The following ANXA13 variants were observed in gnomAD, a reference collection of about 807,000 sequenced individuals.
ANXA13 encodes the protein annexin A13.
In ANXA13, 36 loss-of-function variants were observed where a neutral mutation model predicts 46.6. That is an observed-to-expected ratio of 0.77 (90% CI 0.59 to 1.02). ANXA13 has a LOEUF of 1.02. Among genes scored for constraint, ANXA13 ranks in the 50% least tolerant of loss-of-function variants. The probability of loss-of-function intolerance (pLI) is 0.00; values close to 1 mark genes in which losing one functional copy is unlikely to be tolerated. For synonymous variants in ANXA13, 163 were observed against 152.9 expected, an observed-to-expected ratio of 1.07 and a Z score of -0.49; for missense variants, 417 against 396.5, an observed-to-expected ratio of 1.05 and a Z score of -0.44.
At chr8:123,718,042 GT>G (rs1813793259) in intron 1 of ANXA13, among the ~76,000 whole-genome samples, 2 of 152,336 alleles carry the variant, frequency 1.3e-5, no homozygotes, top group Middle Eastern at 6.8e-3. Flanking sequence ...TTCCTCGAGT[GT>G]TTTTCCAGCT....
At chr8:123,704,338 T>G in intron 2 of ANXA13, among the ~76,000 whole-genome samples, 1 of 152,086 alleles carries the variant, frequency 6.6e-6, no homozygotes. Context: ...TGAGGCACAA[T>G]GCAGCACCTC....
chr8:123,714,859 T>C (rs1246347023), intron 1 of ANXA13, among the ~76,000 whole-genome samples: 1 of 152,226 alleles, frequency 6.6e-6, no homozygotes, highest in African/African-American at 2.4e-5. Flanking sequence ...GCATTACTAG[T>C]CTGCCTTCCA....
intron 7 of ANXA13, 21 bp downstream of exon 7, chr8:123,693,690 C>T (rs1285401316): frequency 1.9e-6 from 3 of 1,585,106 alleles, no homozygotes; most frequent in African/African-American, 2.7e-5. Context: ...TTTGCAGAGA[C>T]TGGCATGTCT....
At chr8:123,731,157 G>A (rs141062087) in intron 1 of ANXA13, among the ~76,000 whole-genome samples, 1,532 of 152,210 alleles carry the variant, frequency 0.01, 12 homozygotes, top group Middle Eastern at 0.017. Context: ...CTGTAGATCT[G>A]GGGTGGGGCT....
Position 123,737,355 on chromosome 8 carries a change from T to C in ANXA13, c.-21A>G. The C allele has an allele frequency of 6.2e-7, 1 of 1,610,026 alleles. No homozygotes were observed. The highest frequency in any genetic ancestry group is 8.5e-7 in the Non-Finnish European group (1 of 1,177,108). ...CCCATTTTCCTTTTTCTGAGATGGT[T>C]TTTCTGTATTTCATCAAGAGATCAG... On this transcript the variant is annotated 5_prime_UTR_variant, in exon 1 of 11. Coordinates refer to ENST00000419625, the MANE Select transcript of ANXA13 (RefSeq NM_004306.4).
chr8:123,692,673 C>T (rs1031693047), intron 8 of ANXA13, among the ~76,000 whole-genome samples: 1 of 152,154 alleles, frequency 6.6e-6, no homozygotes, highest in African/African-American at 2.4e-5. Flanking sequence ...GTATGCTTGC[C>T]ACATGCCAGC....
chr8:123,683,525 C>T (rs1271714544), intron 10 of ANXA13, among the ~76,000 whole-genome samples: 1 of 150,822 alleles, frequency 6.6e-6, no homozygotes. Context: ...ATGCCACTTC[C>T]CCTTTATTTT....
At position 123,705,050 on chromosome 8, in the gene ANXA13, C is replaced by T. The variant is rs75540521; in HGVS notation, c.92-2314G>A. On this transcript the variant is annotated intron_variant, in intron 2 of 10. Transcript: ENST00000419625. Reference sequence around the variant, plus strand: ...AACTCATTTTGTCTATCCTTAAATCCACTCCTCATCCTGTTCCTTTGTCTC... The same window carrying T: ...AACTCATTTTGTCTATCCTTAAATCTACTCCTCATCCTGTTCCTTTGTCTC... 1.2e-4 allele frequency among the ~76,000 whole-genome samples: 19 copies of T among 152,284 alleles called. No individual in the cohort carries two copies. The East Asian group carries it at 3.7e-3, about 29-fold the overall frequency.
chr8:123,706,860 C>T (rs1380474105), intron 2 of ANXA13, among the ~76,000 whole-genome samples: 3 of 152,212 alleles, frequency 2.0e-5, no homozygotes, highest in African/African-American at 7.2e-5. Flanking sequence ...AGATGATTTG[C>T]AGCTCCTAGA....
At chr8:123,699,984 A>G (rs546645872) in intron 3 of ANXA13, among the ~76,000 whole-genome samples, 3 of 152,352 alleles carry the variant, frequency 2.0e-5, no homozygotes, top group South Asian at 4.1e-4. Context: ...TTAATCTCCC[A>G]TGCTGAAAAA....
intron 9 of ANXA13, among the ~76,000 whole-genome samples, chr8:123,687,141 C>T (rs768365232): frequency 6.6e-6 from 1 of 152,186 alleles, no homozygotes; most frequent in Non-Finnish European, 1.5e-5. Flanking sequence ...TTATTCCCAA[C>T]CCAGCACAAA....
At position 123,726,004 on chromosome 8, in the gene ANXA13, C is replaced by G. The variant is rs139957424; in HGVS notation, c.15+11316G>C. On this transcript the variant is annotated intron_variant, in intron 1 of 10. Transcript: ENST00000419625. ...AGTATTACAGTGACTTACATGATGACTAAGTGTTTGGCTATCACTCTAAAG... is the reference window on the plus strand; with the variant it reads ...AGTATTACAGTGACTTACATGATGAGTAAGTGTTTGGCTATCACTCTAAAG... Among the ~76,000 whole-genome samples the G allele has an allele frequency of 7.8e-3, 1,188 of 152,252 alleles. 17 individuals are homozygous for G. Among genetic ancestry groups the G allele is most frequent in the African/African-American group, 0.026 (1,092 of 41,538 alleles).
intron 4 of ANXA13, 72 bp downstream of exon 4, chr8:123,698,317 G>T (rs774218492): frequency 1.3e-6 from 2 of 1,525,862 alleles, no homozygotes; most frequent in African/African-American, 1.4e-5. Context: ...GGGAAGTAGG[G>T]TCCCTTCTGG....
chr8:123,732,788 T>G (rs542687301), intron 1 of ANXA13, among the ~76,000 whole-genome samples: 76 of 152,298 alleles, frequency 5.0e-4, no homozygotes, highest in African/African-American at 1.2e-3. Context: ...AGGTATGCAT[T>G]GGTGCATGTC....
chr8:123,725,997 A>G (rs907698728), intron 1 of ANXA13, among the ~76,000 whole-genome samples: 4 of 152,222 alleles, frequency 2.6e-5, no homozygotes, highest in African/African-American at 4.8e-5. Flanking sequence ...AGTGACTTAC[A>G]TGATGACTAA....
At chr8:123,737,210 G>T in intron 1 of ANXA13, 110 bp downstream of exon 1, 1 of 1,116,870 alleles carries the variant, frequency 9.0e-7, no homozygotes. Context: ...CAATATTAAA[G>T]GGTAACCATA....
intron 1 of ANXA13, among the ~76,000 whole-genome samples, chr8:123,721,154 A>C (rs1220513610): frequency 1.3e-5 from 2 of 152,158 alleles, no homozygotes; most frequent in African/African-American, 4.8e-5. Flanking sequence ...TTCACTTAGC[A>C]TAATGTTCCC....
At position 123,698,569 on chromosome 8, in the gene ANXA13, G is replaced by A; in HGVS notation, c.187-10C>T. The A allele has an allele frequency of 6.2e-7, 1 of 1,613,402 alleles. No homozygotes were observed. Among genetic ancestry groups the A allele is most frequent in the Non-Finnish European group, 8.5e-7 (1 of 1,179,442 alleles). On this transcript the variant is annotated splice_polypyrimidine_tract_variant and intron_variant, in intron 3 of 10. Coordinates refer to ENST00000419625, the MANE Select transcript of ANXA13 (RefSeq NM_004306.4). Reference sequence around the variant, plus strand: ...GTACTTCCTCCAGCTCCTACCAGAAGACAGTGAGAGACGTGCTGGGAATGG... The same window carrying A: ...GTACTTCCTCCAGCTCCTACCAGAAAACAGTGAGAGACGTGCTGGGAATGG...
chr8:123,698,503 C>G lies in ANXA13; in HGVS notation c.243G>C (p.Leu81Phe). ...ELSGNFEKTALALLDRPSEYA... is the reference protein window; with the variant it reads ...ELSGNFEKTAFALLDRPSEYA... ...ACTCGCTGGGACGGTCCAGAAGGGC[C>G]AACGCTGTCTTCTCGAAGTTTCCAC... Residue 81 changes from leucine (L) to phenylalanine (F), a missense_variant, in exon 4 of 11, where the codon TTG (leucine) becomes TTC (phenylalanine). Physicochemically the swap from Leu to Phe is conservative, Grantham distance 22. Transcript: ENST00000419625. The G allele has an allele frequency of 6.2e-7, 1 of 1,614,240 alleles. No individual in the cohort carries two copies. Among genetic ancestry groups the G allele is most frequent in the Non-Finnish European group, 8.5e-7 (1 of 1,180,044 alleles).
Sources: allele counts gnomAD v4.1 joint callset (sites outside exome capture counted in the v4.1 genomes callset), GRCh38; gene constraint gnomAD v4.1.1; transcripts MANE v1.5; gene names NCBI Gene and HGNC (gene_info 2026-07-23, HGNC 2026-07-21).